The following ATP1A3 variants were observed in gnomAD, a reference collection of about 807,000 sequenced individuals.
ATP1A3 encodes the protein ATPase Na+/K+ transporting subunit alpha 3.
ATP1A3 carries 12 observed loss-of-function variants against 108.8 expected under a neutral mutation model. That is an observed-to-expected ratio of 0.11 (90% CI 0.07 to 0.18). The LOEUF is 0.18. Ranked by LOEUF, ATP1A3 falls within the 10% of genes least tolerant of loss-of-function variation. The pLI, the probability that ATP1A3 is intolerant of heterozygous loss-of-function variation, is 1.00. For synonymous variants in ATP1A3, 539 were observed against 564.5 expected (o/e 0.95, Z 0.64); for missense variants, 498 against 1,387.7 (o/e 0.36, Z 10.19).
chr19:41,977,880 C>G, intron 14 of ATP1A3, 56 bp downstream of exon 14: 1 of 1,598,678 alleles, frequency 6.3e-7, no homozygotes, highest in Non-Finnish European at 8.6e-7. Context: ...AAGCGGTCCC[C>G]CTGTGTCAAC....
rs1173332052 is a variant in ATP1A3 at position 41,968,057 on chromosome 19, C to T, written c.2820-294G>A. ...ACAGACAGAGAGACAGACACAGGGA[C>T]AGACACAGAGACAGGGACAGAAACA... On this transcript the variant is annotated intron_variant, in intron 20 of 22. Coordinates refer to ENST00000648268, the MANE Select transcript of ATP1A3 (RefSeq NM_152296.5). This position sits in a 1 kb window ranked among gnomAD's most constrained non-coding sequence, Gnocchi z 5.0. Among the ~76,000 whole-genome samples the T allele has an allele frequency of 6.6e-6, 1 of 151,322 alleles. No homozygotes were observed. The highest frequency in any genetic ancestry group is 2.4e-5 in the African/African-American group (1 of 41,124).
rs1196265749 is a variant in ATP1A3, at chr19:41,968,683, C to A, written c.2819+102G>T. 1 of 1,571,822 alleles carries A rather than the reference C, an allele frequency of 6.4e-7. No homozygotes were observed. The highest frequency in any genetic ancestry group is 1.3e-5 in the African/African-American group (1 of 74,166). On this transcript the variant is annotated intron_variant, in intron 20 of 22. Transcript: ENST00000648268. This position sits in a 1 kb window ranked among gnomAD's most constrained non-coding sequence, Gnocchi z 5.0. ...AGAGTGAGACCCTGCCTCAACAAAA[C>A]AACAAAAAACCAAAGCAAGGACACA...
In ATP1A3 at chr19:41,978,702, G is replaced by A; in HGVS notation, c.1534C>T (p.Leu512=). The change falls in exon 12 of 23, where the codon CTG becomes TTG. Residue 512 remains leucine (L), a synonymous_variant. Coordinates refer to ENST00000648268, the MANE Select transcript of ATP1A3 (RefSeq NM_152296.5). The surrounding 1 kb of genome is among the most constrained non-coding windows in gnomAD (Gnocchi z 8.3). ...ERILDRCSTI[L]LQGKEQPLDE... ...AGAGGCTGCTCCTTGCCCTGTAGCA[G>A]GATGGTGGAGCAGCGGTCCAGGATG... The A allele has an allele frequency of 2.5e-6, 4 of 1,614,166 alleles. No homozygotes were observed. Among genetic ancestry groups the A allele is most frequent in the Non-Finnish European group, 3.4e-6 (4 of 1,180,020 alleles).
rs1230480314 is a variant in ATP1A3, at chr19:41,986,300, A to C, written c.358-71T>G. The C allele has an allele frequency of 8.1e-6, 12 of 1,481,710 alleles. No individual in the cohort carries two copies. In the African/African-American group the frequency reaches 1.1e-4, roughly 14 times the overall value. 91.8% of individuals were successfully genotyped at this position (1,481,710 alleles called of 1,614,324 possible). ...TCTCCACCAGTCCCTGCTCGCCTGG[A>C]GTCTGGGAAGGGAGCTTTGTGTCAG... On this transcript the variant is annotated intron_variant, in intron 4 of 22. Transcript: ENST00000648268.
rs1555865215 is a variant in ATP1A3, at chr19:41,985,821, C to T, written c.606+43G>A. On this transcript the variant is annotated intron_variant, in intron 6 of 22. Transcript: ENST00000648268. This position sits in a 1 kb window ranked among gnomAD's most constrained non-coding sequence, Gnocchi z 8.2. ...GAGGGGCTGGGCCTGAGCTCCTGGG[C>T]AGCCCGAGGGAGGGTAAAGCCGGGC... 6.2e-7 allele frequency: 1 copy of T among 1,609,410 alleles called. No homozygotes were observed. Among genetic ancestry groups the T allele is most frequent in the East Asian group, 2.2e-5 (1 of 44,864 alleles).
In ATP1A3 at chr19:41,988,193, G is replaced by A. The variant is rs782551221; in HGVS notation, c.154-54C>T. 1.2e-6 allele frequency: 2 copies of A among 1,612,984 alleles called. No individual in the cohort carries two copies. Among genetic ancestry groups the A allele is most frequent in the Non-Finnish European group, 1.7e-6 (2 of 1,179,192 alleles). The stretch of plus-strand genomic sequence containing the variant: ...CTCCCTGGGCAACCCTGGCACCCCA[G>A]GCCTTCACCAGACCCCCAGAACTTA... On this transcript the variant is annotated intron_variant, in intron 3 of 22. Coordinates refer to ENST00000648268, the MANE Select transcript of ATP1A3 (RefSeq NM_152296.5). This position sits in a 1 kb window ranked among gnomAD's most constrained non-coding sequence, Gnocchi z 5.3.
In ATP1A3 at chr19:41,967,256, G is replaced by A. The variant is rs782086452; in HGVS notation, c.3006C>T (p.Asn1002=). 1.1e-5 allele frequency: 17 copies of A among 1,613,944 alleles called. No individual in the cohort carries two copies. The highest frequency in any genetic ancestry group is 1.4e-5 in the Non-Finnish European group (16 of 1,180,030). ...CTTGCCGAGCTCCCTCACCCCCTGG[G>A]TTCCTGCGCAGGATGAGTTTGCGGA... The part of the protein sequence containing the change: ...DEIRKLILRR[N]PGGWVEKETY... The change falls in exon 22 of 23, where the codon AAC becomes AAT. Residue 1002 remains asparagine, a synonymous_variant. Coordinates refer to ENST00000648268, the MANE Select transcript of ATP1A3 (RefSeq NM_152296.5). This position sits in a 1 kb window ranked among gnomAD's most constrained non-coding sequence, Gnocchi z 4.2.
intron 1 of ATP1A3, among the ~76,000 whole-genome samples, chr19:41,992,489 T>TC (rs2075350088): frequency 6.6e-6 from 1 of 151,852 alleles, no homozygotes; most frequent in Non-Finnish European, 1.5e-5. Context: ...CGGCCTCCCT[T>TC]CCCCCTCGCA....
At chr19:41,973,931 C>T (rs1555860451) in intron 16 of ATP1A3, among the ~76,000 whole-genome samples, 1 of 151,928 alleles carries the variant, frequency 6.6e-6, no homozygotes, top group Non-Finnish European at 1.5e-5. Flanking sequence ...ATTGCTTGAG[C>T]CCAGGAGTTG....
In ATP1A3 at chr19:41,988,706, T is replaced by A; in HGVS notation, c.7-144A>T. On this transcript the variant is annotated intron_variant, in intron 1 of 22. Coordinates refer to ENST00000648268, the MANE Select transcript of ATP1A3 (RefSeq NM_152296.5). The surrounding 1 kb of genome is among the most constrained non-coding windows in gnomAD (Gnocchi z 5.3). ...TGGGTGGGGGGTCTCTGTCTGCCTC[T>A]CGGGGTCTCCCTGTGTCTCCCGGAG... is the stretch of plus-strand genomic sequence containing the variant. 6.5e-7 allele frequency: 1 copy of A among 1,527,396 alleles called. No individual in the cohort carries two copies. The highest frequency in any genetic ancestry group is 8.8e-7 in the Non-Finnish European group (1 of 1,138,856). 94.6% of individuals were successfully genotyped at this position (1,527,396 alleles called of 1,614,324 possible). A position where few individuals can be genotyped will look rare whatever the true frequency, so the allele number is the denominator to read the frequency against.
chr19:41,969,352 G>A (rs1303461880), intron 19 of ATP1A3, 83 bp downstream of exon 19: 23 of 1,598,056 alleles, frequency 1.4e-5, no homozygotes, highest in African/African-American at 4.0e-5. Flanking sequence ...GGGGGCCATC[G>A]TAGGAAGTGG....
At position 41,976,283 on chromosome 19, in the gene ATP1A3, G is replaced by T. The variant is rs528197283; in HGVS notation, c.2094+133C>A. ...TCAGACCCAGGAGTCCAGGCCCCCA[G>T]ACCCTCCTCTCTCAGACCCAGGGGT... is the stretch of plus-strand genomic sequence containing the variant. On this transcript the variant is annotated intron_variant, in intron 15 of 22. Transcript: ENST00000648268. 1.2e-4 allele frequency: 150 copies of T among 1,206,858 alleles called. No individual in the cohort carries two copies. The Middle Eastern group carries it at 3.1e-3, about 25-fold the overall frequency. The allele number at this position is 1,206,858 out of a possible 1,614,324, so 74.8% of individuals were successfully genotyped here. A position where few individuals can be genotyped will look rare whatever the true frequency, so the allele number is the denominator to read the frequency against.
chr19:41,974,437 T>C (rs2075144833), intron 16 of ATP1A3, among the ~76,000 whole-genome samples: 1 of 152,120 alleles, frequency 6.6e-6, no homozygotes. Context: ...ATTGAGACTC[T>C]ATCCCCGCCC....
Position 41,966,654 on chromosome 19 carries a change from A to T in ATP1A3, c.*283T>A. On this transcript the variant is annotated 3_prime_UTR_variant, in exon 23 of 23. Coordinates refer to ENST00000648268, the MANE Select transcript of ATP1A3 (RefSeq NM_152296.5). Reference sequence around the variant, plus strand: ...GGCATCAGCCGGGGGGCTGAAGGGGAGTAAAAAAGAGCCCAGGGAGGTGGC... The same window carrying T: ...GGCATCAGCCGGGGGGCTGAAGGGGTGTAAAAAAGAGCCCAGGGAGGTGGC... The T allele has an allele frequency of 6.6e-7, 1 of 1,513,696 alleles. No individual in the cohort carries two copies. Among genetic ancestry groups the T allele is most frequent in the Non-Finnish European group, 8.9e-7 (1 of 1,123,680 alleles). 93.8% of individuals were successfully genotyped at this position (1,513,696 alleles called of 1,614,324 possible).
intron 11 of ATP1A3, among the ~76,000 whole-genome samples, chr19:41,979,420 T>A (rs2075206919): frequency 6.6e-6 from 1 of 151,964 alleles, no homozygotes; most frequent in South Asian, 2.1e-4. Flanking sequence ...GCTCATGCGA[T>A]CCTCCCGCTT....
chr19:41,994,073 C>A lies in ATP1A3; in HGVS notation c.4G>T (p.Gly2Trp), dbSNP rs2145995411. The A allele has an allele frequency of 6.2e-7, 1 of 1,602,458 alleles. No individual in the cohort carries two copies. The highest frequency in any genetic ancestry group is 1.1e-5 in the South Asian group (1 of 89,734). The change falls in exon 1 of 23, where the codon GGG becomes TGG. Residue 2 changes from glycine to tryptophan, a missense_variant and splice_region_variant. Transcript: ENST00000648268. M[G>W]DKKDDKDSPK... ...CGCCCAGCCGGCTCAGCACCTACCC[C>A]CATCTTGGCGGCTCCGCGGCGAGAG...
chr19:41,985,538 G>T lies in ATP1A3; in HGVS notation c.607-115C>A. On this transcript the variant is annotated intron_variant, in intron 6 of 22. Coordinates refer to ENST00000648268, the MANE Select transcript of ATP1A3 (RefSeq NM_152296.5). The surrounding 1 kb of genome is among the most constrained non-coding windows in gnomAD (Gnocchi z 8.2). ...GCCTGGAGATCACAGCTAGAAGCCT[G>T]GGTGCCCAGTGGGTGAGTGGTGTGT... is the stretch of plus-strand genomic sequence containing the variant. The T allele has an allele frequency of 9.0e-7, 1 of 1,108,832 alleles. No individual in the cohort carries two copies. Among genetic ancestry groups the T allele is most frequent in the Non-Finnish European group, 1.4e-6 (1 of 734,974 alleles). The allele number at this position is 1,108,832 out of a possible 1,614,324, so 68.7% of individuals were successfully genotyped here.
At chr19:41,980,205 C>T (rs1412059685) in intron 11 of ATP1A3, among the ~76,000 whole-genome samples, 1 of 152,260 alleles carries the variant, frequency 6.6e-6, no homozygotes. Flanking sequence ...TATTGTCTGT[C>T]TTCTAGAACC....
Position 41,994,126 on chromosome 19 carries a change from G to A in ATP1A3, c.-50C>T. ...CCAGGCGGGCGGGGCGGGGACCTCG[G>A]GGCGGGCTCAGGCTCAGGCTTGGGC... On this transcript the variant is annotated 5_prime_UTR_variant, in exon 1 of 23. Transcript: ENST00000648268. 1 of 1,542,560 alleles carries A rather than the reference G, an allele frequency of 6.5e-7. No individual in the cohort carries two copies. The highest frequency in any genetic ancestry group is 8.7e-7 in the Non-Finnish European group (1 of 1,147,830).
Sources: allele counts gnomAD v4.1 joint callset (sites outside exome capture counted in the v4.1 genomes callset), GRCh38; gene constraint gnomAD v4.1.1; non-coding constraint Gnocchi (gnomAD v3.1); transcripts MANE v1.5; gene names NCBI Gene and HGNC (gene_info 2026-07-23, HGNC 2026-07-21).